Variants in MED14 observed in about 807,000 individuals in gnomAD.
MED14 encodes the protein mediator of RNA polymerase II transcription subunit 14.
Under a neutral mutation model 109.0 loss-of-function variants are expected in MED14, and 8 were observed. That is an observed-to-expected ratio of 0.07 (90% CI 0.04 to 0.13). MED14 has a LOEUF of 0.13. Ranked by LOEUF, MED14 falls within the 10% of genes least tolerant of loss-of-function variation. MED14 has a pLI of 1.00. For synonymous variants in MED14, 399 were observed against 408.7 expected, an observed-to-expected ratio of 0.98 and a Z score of 0.29; for missense variants, 711 against 1,142.4, an observed-to-expected ratio of 0.62 and a Z score of 5.44.
In MED14 at chrX:40,649,661, C is replaced by T; in HGVS notation, c.*2145G>A. The T allele has an allele frequency of 2.2e-6, 2 of 930,045 alleles. No homozygotes were observed. The highest frequency in any genetic ancestry group is 2.7e-6 in the Non-Finnish European group (2 of 735,284). 76.6% of individuals were successfully genotyped at this position (930,045 alleles called of 1,213,427 possible). A position where few individuals can be genotyped will look rare whatever the true frequency, so the allele number is the denominator to read the frequency against. ...AGAAAATCACTTGGGCATCCAGTCC[C>T]CTTGATCGAACCTGGGTAACAAAAG... On this transcript the variant is annotated 3_prime_UTR_variant, in exon 31 of 31. Coordinates refer to ENST00000324817, the MANE Select transcript of MED14 (RefSeq NM_004229.4).
At chrX:40,658,084 G>T (rs1246414840) in intron 28 of MED14, among the ~76,000 whole-genome samples, 2 of 106,754 alleles carry the variant, frequency 1.9e-5, no homozygotes, top group African/African-American at 6.9e-5. Flanking sequence ...GTGAGCCACC[G>T]TGCACGGCCT....
intron 15 of MED14, among the ~76,000 whole-genome samples, chrX:40,691,607 C>CTTTTTTTT (rs36144185): frequency 3.5e-4 from 21 of 59,454 alleles, no homozygotes; most frequent in Admixed American, 5.2e-4. Flanking sequence ...TTCTTTTAAT[C>CTTTTTTTT]TTTTTTTTTT....
chrX:40,692,293 C>T lies in MED14; in HGVS notation c.1870G>A (p.Glu624Lys). ...CCTGCTCGTTTTGTTTTCTTGGATT[C>T]TACTGGACATGGATCATCAGACAAC... The part of the protein sequence containing the change: ...RKLSDDPCPV[E>K]SKKTKRAGEM... Residue 624 changes from glutamate (E) to lysine (K), a missense_variant, in exon 15 of 31, where the codon GAA becomes AAA. Transcript: ENST00000324817. 1 of 1,189,669 alleles carries T rather than the reference C, an allele frequency of 8.4e-7. No homozygotes were observed. Among genetic ancestry groups the T allele is most frequent in the Non-Finnish European group, 1.1e-6 (1 of 879,034 alleles).
intron 6 of MED14, 106 bp downstream of exon 6, chrX:40,712,808 G>T: frequency 1.2e-6 from 1 of 839,510 alleles, no homozygotes; most frequent in Non-Finnish European, 1.6e-6. Context: ...CAAAGTAGTG[G>T]GATTACAAGC....
At chrX:40,701,373 G>C in intron 11 of MED14, 130 bp from the exon 12 acceptor site, 2 of 440,889 alleles carry the variant, frequency 4.5e-6, no homozygotes, top group Non-Finnish European at 7.6e-6. Context: ...TTTTGAGTCA[G>C]AGAAAAATTA....
chrX:40,674,959 C>T (rs1602455669), intron 22 of MED14, among the ~76,000 whole-genome samples: 1 of 112,510 alleles, frequency 8.9e-6, no homozygotes, highest in African/African-American at 3.2e-5. Flanking sequence ...TCAGATCCTG[C>T]GGATGGTATT....
At position 40,688,445 on chromosome X, in the gene MED14, G is replaced by C. The variant is rs752999623; in HGVS notation, c.2057+9C>G. ...GTGGCACCAAGTGAAACATATGACA[G>C]GGGCTTACTTTAATAAGCGAATTGC... On this transcript the variant is annotated intron_variant, in intron 16 of 30. Coordinates refer to ENST00000324817, the MANE Select transcript of MED14 (RefSeq NM_004229.4). 1 of 1,181,511 alleles carries C rather than the reference G, an allele frequency of 8.5e-7. No individual in the cohort carries two copies. Among genetic ancestry groups the C allele is most frequent in the East Asian group, 3.0e-5 (1 of 33,674 alleles).
intron 3 of MED14, among the ~76,000 whole-genome samples, chrX:40,717,388 A>G (rs778729107): frequency 8.9e-6 from 1 of 111,749 alleles, no homozygotes; most frequent in East Asian, 2.8e-4. Context: ...TGCCCAATAC[A>G]GAAATCCTTT....
chrX:40,660,228 G>C (rs1929212729), intron 26 of MED14, among the ~76,000 whole-genome samples: 1 of 111,763 alleles, frequency 8.9e-6, no homozygotes, highest in African/African-American at 3.3e-5. Context: ...TCTGGGGGGA[G>C]GAGTTCTAGA....
At position 40,725,842 on chromosome X, in the gene MED14, CAAAA is replaced by C. The variant is rs1931876823; in HGVS notation, c.348+900_348+903del. Among the ~76,000 whole-genome samples, 4 of 110,961 alleles carry C rather than the reference CAAAA, an allele frequency of 3.6e-5. No homozygotes were observed. The South Asian group carries it at 1.5e-3, about 42-fold the overall frequency. On this transcript the variant is annotated intron_variant, in intron 3 of 30. Coordinates refer to ENST00000324817, the MANE Select transcript of MED14 (RefSeq NM_004229.4). ...GGAAGTCCTAGCTAGAGCAATCAGA[CAAAA>C]GAAAGAAAGAAAGGGCATCCAAATT... is the stretch of plus-strand genomic sequence containing the variant.
At chrX:40,661,810 C>CT (rs1314745526) in intron 26 of MED14, among the ~76,000 whole-genome samples, 56 of 107,104 alleles carry the variant, frequency 5.2e-4, no homozygotes, top group African/African-American at 1.6e-3. Context: ...CTCTTTTCTT[C>CT]TTTTTTTTTT....
rs1044735510 is a variant in MED14, at chrX:40,735,341, G to C, written c.72C>G (p.Pro24=). The change falls in exon 1 of 31, where the codon CCC becomes CCG. Residue 24 remains proline, a synonymous_variant. Coordinates refer to ENST00000324817, the MANE Select transcript of MED14 (RefSeq NM_004229.4). ...PGGGGGGSGG[P]PSAPAPPPPG... The stretch of plus-strand genomic sequence containing the variant: ...GGGGAGGAGGGGCTGGGGCTGACGG[G>C]GGTCCGCCGCTGCCCCCGCCGCCGC... 1.2e-5 allele frequency: 13 copies of C among 1,079,822 alleles called. No individual in the cohort carries two copies. Among genetic ancestry groups the C allele is most frequent in the East Asian group, 3.9e-5 (1 of 25,778 alleles). 89.0% of individuals were successfully genotyped at this position (1,079,822 alleles called of 1,213,427 possible).
chrX:40,678,873 C>G lies in MED14; in HGVS notation c.2880+991G>C, dbSNP rs7892169. On this transcript the variant is annotated intron_variant, in intron 21 of 30. Coordinates refer to ENST00000324817, the MANE Select transcript of MED14 (RefSeq NM_004229.4). Reference sequence around the variant, plus strand: ...AATACTCATCTTCCATTGTGAGAATCAGATAATGCCCTCAACCAAAAAGTA... The same window carrying G: ...AATACTCATCTTCCATTGTGAGAATGAGATAATGCCCTCAACCAAAAAGTA... Among the ~76,000 whole-genome samples, 177 of 110,883 alleles carry G rather than the reference C, an allele frequency of 1.6e-3. 1 individual carries two copies. The highest frequency in any genetic ancestry group is 5.5e-3 in the African/African-American group (167 of 30,566).
chrX:40,658,107 G>A (rs1929124785), intron 28 of MED14, among the ~76,000 whole-genome samples: 1 of 92,196 alleles, frequency 1.1e-5, no homozygotes, highest in Non-Finnish European at 2.1e-5. Flanking sequence ...TTTTGTGTGT[G>A]TGTGAGACAG....
At chrX:40,696,173 C>T (rs1449878096) in intron 13 of MED14, among the ~76,000 whole-genome samples, 2 of 99,794 alleles carry the variant, frequency 2.0e-5, no homozygotes, top group Admixed American at 2.3e-4. Flanking sequence ...CTCACTCTGT[C>T]GCCCAAGCTG....
intron 12 of MED14, 100 bp from the exon 13 acceptor site, chrX:40,697,283 A>G (rs1333190465): frequency 6.0e-6 from 3 of 499,795 alleles, no homozygotes; most frequent in Non-Finnish European, 9.7e-6. Flanking sequence ...AAAAACAATT[A>G]ATTGAAATTT....
At chrX:40,712,749 G>A (rs749748832) in intron 6 of MED14, among the ~76,000 whole-genome samples, 165 bp downstream of exon 6, 29 of 111,715 alleles carry the variant, frequency 2.6e-4, no homozygotes, top group African/African-American at 9.1e-4. Context: ...ATATTGTCTA[G>A]GCTGGTCTCA....
chrX:40,650,562 T>C lies in MED14; in HGVS notation c.*1244A>G. ...TAGAAGACCTTTGCATCAGACCATG[T>C]TCTTTGAAGCTTAAAAAAGTCCCTG... On this transcript the variant is annotated 3_prime_UTR_variant, in exon 31 of 31. Transcript: ENST00000324817. 6 of 754,145 alleles carry C rather than the reference T, an allele frequency of 8.0e-6. No individual in the cohort carries two copies. The highest frequency in any genetic ancestry group is 7.8e-6 in the Non-Finnish European group (5 of 639,359). 62.2% of individuals were successfully genotyped at this position (754,145 alleles called of 1,213,427 possible).
intron 29 of MED14, 101 bp downstream of exon 29, chrX:40,654,834 C>A: frequency 9.7e-7 from 1 of 1,034,323 alleles, no homozygotes; most frequent in Non-Finnish European, 1.3e-6. Flanking sequence ...CTCTATTTGG[C>A]AACAAGAGAT....
Sources: gnomAD v4.1 joint callset for allele counts (sites outside exome capture counted in the v4.1 genomes callset) on GRCh38, gnomAD v4.1.1 for gene constraint, MANE v1.5 for transcripts, NCBI Gene and HGNC (gene_info 2026-07-23, HGNC 2026-07-21) for gene names.